The following SAMD11 variants were observed in gnomAD, a reference collection of about 807,000 sequenced individuals.
SAMD11 encodes the protein sterile alpha motif domain-containing protein 11.
SAMD11 carries 77 observed loss-of-function variants against 64.4 expected under a neutral mutation model. The ratio of observed to expected loss-of-function variants is 1.20; its 90% CI spans 0.99 to 1.44. The LOEUF is 1.44. Ranked by LOEUF, SAMD11 falls within the 40% of genes most tolerant of loss-of-function variation. The probability of loss-of-function intolerance (pLI) is 0.00; values close to 1 mark genes in which losing one functional copy is unlikely to be tolerated. For synonymous variants in SAMD11, 658 were observed against 421.9 expected (o/e 1.56, Z -6.86); for missense variants, 1,402 against 943.3 (o/e 1.49, Z -6.37).
rs1432715386 is a variant in SAMD11 at position 940,797 on chromosome 1, G to A, written c.1196-347G>A. Among the ~76,000 whole-genome samples the A allele has an allele frequency of 9.2e-5, 14 of 152,326 alleles. No homozygotes were observed. In the East Asian group the frequency reaches 1.7e-3, roughly 19 times the overall value. On this transcript the variant is annotated intron_variant, in intron 7 of 13. Coordinates refer to ENST00000616016, the MANE Select transcript of SAMD11 (RefSeq NM_001385641.1). ...GGGGTCCCCTGGGCGGTCAGCCCCT[G>A]GCTGGCACTTCTGGACTCTCTCGCT...
At position 944,542 on chromosome 1, in the gene SAMD11, T is replaced by C; in HGVS notation, c.*389T>C. ...CCAGCCCAGCTCTCGATACGTTTGG[T>C]CTTTCATGCTGAAAAATAAATAATA... On this transcript the variant is annotated 3_prime_UTR_variant, in exon 14 of 14. Coordinates refer to ENST00000616016, the MANE Select transcript of SAMD11 (RefSeq NM_001385641.1). 1 of 624,346 alleles carries C rather than the reference T, an allele frequency of 1.6e-6. No homozygotes were observed. Among genetic ancestry groups the C allele is most frequent in the Non-Finnish European group, 2.7e-6 (1 of 367,636 alleles). The allele number at this position is 624,346 out of a possible 1,614,324, so 38.7% of individuals were successfully genotyped here. A position where few individuals can be genotyped will look rare whatever the true frequency, so the allele number is the denominator to read the frequency against.
intron 2 of SAMD11, among the ~76,000 whole-genome samples, chr1:927,370 C>A (rs1276021546): frequency 4.6e-5 from 7 of 152,160 alleles, no homozygotes; most frequent in Non-Finnish European, 8.8e-5. Flanking sequence ...ACAGCCTGAG[C>A]CCAGCGTCAG....
At chr1:937,462 A>G (rs1641519063) in intron 5 of SAMD11, among the ~76,000 whole-genome samples, 1 of 134,438 alleles carries the variant, frequency 7.4e-6, no homozygotes, top group Admixed American at 7.7e-5. Flanking sequence ...CAGAACGGAG[A>G]GGGTAGTTTC....
chr1:928,131 T>A (rs28626846), intron 2 of SAMD11, among the ~76,000 whole-genome samples: 16 of 152,072 alleles, frequency 1.1e-4, no homozygotes, highest in Admixed American at 7.2e-4. Context: ...TGGTGGCGCA[T>A]GCCTGTAATC....
At chr1:929,471 T>C (rs948511837) in intron 2 of SAMD11, among the ~76,000 whole-genome samples, 1 of 152,166 alleles carries the variant, frequency 6.6e-6, no homozygotes, top group Non-Finnish European at 1.5e-5. Context: ...GCCAGTGGCC[T>C]TGCACCAGGC....
chr1:937,368 C>T (rs900786791), intron 5 of SAMD11, among the ~76,000 whole-genome samples: 5 of 151,426 alleles, frequency 3.3e-5, no homozygotes, highest in Non-Finnish European at 7.4e-5. Flanking sequence ...GGCCTTCCTG[C>T]GGTCTCATTG....
chr1:943,359 C>A lies in SAMD11; in HGVS notation c.2160C>A (p.Gly720=). The A allele has an allele frequency of 6.3e-7, 1 of 1,578,674 alleles. No homozygotes were observed. Among genetic ancestry groups the A allele is most frequent in the Non-Finnish European group, 8.6e-7 (1 of 1,160,748 alleles). ...GCAGCTTCGTGGGGGGCCTGTCTGG[C>A]TGTGGAGAGTACACTCGGGTAAGGG... ...DVCSFVGGLS[G]CGEYTRVFRE... The change falls in exon 12 of 14, where the codon GGC becomes GGA. Residue 720 remains glycine (G), a synonymous_variant. Transcript: ENST00000616016.
In SAMD11 at chr1:944,070, G is replaced by A. The variant is rs1642000377; in HGVS notation, c.2452G>A (p.Ala818Thr). ...CCCCTATGGAGGGGGCCACGCCCTT[G>A]CCGGTCAAACTTCACCCAAGCAGGA... Reference protein sequence around the residue: ...TSPYGGGHALAGQTSPKQENG... With the variant: ...TSPYGGGHALTGQTSPKQENG... The change falls in exon 14 of 14, where the codon GCC becomes ACC. Residue 818 changes from alanine (A) to threonine (T), a missense_variant. Physicochemically the swap from Ala to Thr is moderately conservative, Grantham distance 58. Transcript: ENST00000616016. 6.2e-7 allele frequency: 1 copy of A among 1,612,636 alleles called. No individual in the cohort carries two copies. The highest frequency in any genetic ancestry group is 8.5e-7 in the Non-Finnish European group (1 of 1,179,940).
chr1:935,977 C>T, intron 5 of SAMD11, 81 bp downstream of exon 5: 4 of 1,452,474 alleles, frequency 2.8e-6, no homozygotes, highest in East Asian at 2.4e-5. Context: ...GCACCAGCAG[C>T]CTTGGCAGGC....
Position 942,884 on chromosome 1 carries a change from G to T in SAMD11, c.1879G>T (p.Glu627Ter). The change falls in exon 11 of 14, where the codon GAG (glutamate) becomes TAG (stop). Residue 627 changes from glutamate (E) to a stop codon, truncating the protein, a stop_gained. Transcript: ENST00000616016. LOFTEE classifies it high-confidence loss of function. The stretch of plus-strand genomic sequence containing the variant: ...CTGGGCACAAGATGGCTCGGAAGAC[G>T]AGCCCCCCAAAGACTCGGACGGAGA... ...RLWAQDGSED[E>*]PPKDSDGEDP... 1.3e-6 allele frequency: 2 copies of T among 1,555,006 alleles called. No homozygotes were observed. Among genetic ancestry groups the T allele is most frequent in the Non-Finnish European group, 1.7e-6 (2 of 1,149,420 alleles).
At chr1:937,201 C>T (rs1189415062) in intron 5 of SAMD11, among the ~76,000 whole-genome samples, 2 of 152,134 alleles carry the variant, frequency 1.3e-5, no homozygotes, top group Non-Finnish European at 2.9e-5. Context: ...CTTCCTGTGA[C>T]CCCAGGAACC....
At chr1:936,531 G>C (rs1207217311) in intron 5 of SAMD11, among the ~76,000 whole-genome samples, 1 of 152,168 alleles carries the variant, frequency 6.6e-6, no homozygotes, top group Non-Finnish European at 1.5e-5. Context: ...AGTTGTGGGG[G>C]GACCAGGCCC....
At chr1:933,511 A>G (rs13303066) in intron 4 of SAMD11, among the ~76,000 whole-genome samples, 147,072 of 152,234 alleles carry the variant, frequency 0.97, 71,227 homozygotes, top group East Asian at 1. Flanking sequence ...TCTCTGGGAA[A>G]CTAGTTCTCC....
chr1:943,101 C>A, intron 11 of SAMD11, 43 bp downstream of exon 11: 1 of 1,555,328 alleles, frequency 6.4e-7, no homozygotes, highest in Non-Finnish European at 8.7e-7. Context: ...GGGCACAGGA[C>A]TGGCAGGCCG....
At position 942,584 on chromosome 1, in the gene SAMD11, C is replaced by T. The variant is rs1641852318; in HGVS notation, c.1579C>T (p.Arg527Trp). ...GCTGGAGCTGCCCGCCGACCTCCTG[C>T]GGCAGAAGGAGCTGGAGAGCGCGCG... ...ARLELPADLL[R>W]QKELESARPQ... is the part of the protein sequence containing the mutation. Residue 527 changes from arginine (R) to tryptophan (W), a missense_variant, in exon 11 of 14, where the codon CGG becomes TGG. Physicochemically the swap from Arg to Trp is moderately radical, Grantham distance 101. Coordinates refer to ENST00000616016, the MANE Select transcript of SAMD11 (RefSeq NM_001385641.1). 3.5e-6 allele frequency: 5 copies of T among 1,415,708 alleles called. No individual in the cohort carries two copies. The highest frequency in any genetic ancestry group is 3.3e-5 in the Admixed American group (1 of 30,634). 87.7% of individuals were successfully genotyped at this position (1,415,708 alleles called of 1,614,324 possible).
intron 5 of SAMD11, among the ~76,000 whole-genome samples, chr1:936,424 G>C (rs533551753): frequency 7.2e-6 from 1 of 138,936 alleles, no homozygotes. Flanking sequence ...GACGGAGGGG[G>C]TCCCCGGTCG....
intron 5 of SAMD11, among the ~76,000 whole-genome samples, chr1:938,682 T>C (rs1438856659): frequency 6.6e-6 from 1 of 152,064 alleles, no homozygotes; most frequent in Non-Finnish European, 1.5e-5. Context: ...GAGGGGAAGG[T>C]GGTGCCTGGT....
At chr1:943,666 G>A (rs778092467) in intron 12 of SAMD11, 32 bp from the exon 13 acceptor site, 9 of 1,508,528 alleles carry the variant, frequency 6.0e-6, no homozygotes, top group East Asian at 2.4e-5. Context: ...AGCAGCACCC[G>A]GGTCCTGACC....
rs1437750340 is a variant in SAMD11, at chr1:930,159, G to C, written c.614G>C (p.Arg205Pro). The C allele has an allele frequency of 6.4e-7, 1 of 1,554,084 alleles. No homozygotes were observed. The highest frequency in any genetic ancestry group is 1.2e-5 in the South Asian group (1 of 84,482). Residue 205 changes from arginine to proline, a missense_variant, in exon 3 of 14, where the codon CGG becomes CCG. Coordinates refer to ENST00000616016, the MANE Select transcript of SAMD11 (RefSeq NM_001385641.1). ...CCTCTCCTCCTGCCCCACCAGAACCGGGGGCGGCTGGCAGACAAGAGGACA... is the reference window on the plus strand; with the variant it reads ...CCTCTCCTCCTGCCCCACCAGAACCCGGGGCGGCTGGCAGACAAGAGGACA... ...PGCRISSPVN[R>P]GRLADKRTVA... is the part of the protein sequence containing the mutation.
Sources: gnomAD v4.1 joint callset for allele counts (sites outside exome capture counted in the v4.1 genomes callset) on GRCh38, gnomAD v4.1.1 for gene constraint, MANE v1.5 for transcripts, NCBI Gene and HGNC (gene_info 2026-07-23, HGNC 2026-07-21) for gene names.